The following RNF17 variants were observed in gnomAD, a reference collection of about 807,000 sequenced individuals.
RNF17 encodes the protein spermatogenesis associated 23.
Under a neutral mutation model 200.5 loss-of-function variants are expected in RNF17, and 31 were observed. The ratio of observed to expected loss-of-function variants is 0.15; its 90% CI spans 0.12 to 0.21. The LOEUF (loss-of-function observed/expected upper bound fraction) is 0.21. RNF17 is among the 10% of genes least tolerant of loss of function. The pLI is 1.00. For missense variants in RNF17, 1,628 were observed against 1,905.1 expected (o/e 0.85, Z 2.71); for synonymous variants, 606 against 637.8 (o/e 0.95, Z 0.75).
intron 11 of RNF17, among the ~76,000 whole-genome samples, chr13:24,797,705 A>AGTTTGTGTGTCTGTGT (rs59493601): frequency 0.016 from 1,898 of 119,044 alleles, 41 homozygotes; most frequent in African/African-American, 0.031. Flanking sequence ...AGAGACAAAG[A>AGTTTGTGTGTCTGTGT]GTGTGTGTGT....
rs548063820 is a variant in RNF17, at chr13:24,776,448, A to G, written c.317+1544A>G. The stretch of plus-strand genomic sequence containing the variant: ...GCTTGGGTAGTAAAACCACTTAGCT[A>G]AAGTCTGACAGCTGGTTATTCACAG... On this transcript the variant is annotated intron_variant, in intron 3 of 35. Transcript: ENST00000255324. 3.3e-5 allele frequency among the ~76,000 whole-genome samples: 5 copies of G among 152,344 alleles called. No individual in the cohort carries two copies. In the South Asian group the frequency reaches 6.2e-4, roughly 19 times the overall value.
At chr13:24,858,791 T>A (rs1042955337) in intron 25 of RNF17, among the ~76,000 whole-genome samples, 1 of 152,100 alleles carries the variant, frequency 6.6e-6, no homozygotes, top group African/African-American at 2.4e-5. Context: ...TTAGAGCTCC[T>A]TATGATGTTT....
At chr13:24,872,367 A>C (rs1003567316) in intron 32 of RNF17, among the ~76,000 whole-genome samples, 1 of 152,212 alleles carries the variant, frequency 6.6e-6, no homozygotes, top group Non-Finnish European at 1.5e-5. Flanking sequence ...CTTGCCCACA[A>C]GTAGAATTCT....
intron 29 of RNF17, 89 bp downstream of exon 29, chr13:24,865,087 G>T: frequency 1.0e-6 from 1 of 968,420 alleles, no homozygotes; most frequent in Non-Finnish European, 1.5e-6. Flanking sequence ...TCTTAAATAT[G>T]ATTCTACATA....
intron 22 of RNF17, among the ~76,000 whole-genome samples, chr13:24,847,491 G>C (rs571714380): frequency 6.6e-6 from 1 of 151,648 alleles, no homozygotes; most frequent in East Asian, 1.9e-4. Context: ...AATTACAGGC[G>C]TGCACCACCA....
chr13:24,820,521 T>C (rs1382701065), intron 15 of RNF17, among the ~76,000 whole-genome samples: 1 of 152,098 alleles, frequency 6.6e-6, no homozygotes, highest in Admixed American at 6.6e-5. Flanking sequence ...CGGCAACCTC[T>C]GCCTCCCGGG....
At chr13:24,792,499 C>T (rs1259023849) in intron 9 of RNF17, among the ~76,000 whole-genome samples, 1 of 151,954 alleles carries the variant, frequency 6.6e-6, no homozygotes, top group Non-Finnish European at 1.5e-5. Flanking sequence ...GTTTATGACA[C>T]CGGAGCTGAT....
intron 15 of RNF17, among the ~76,000 whole-genome samples, chr13:24,809,837 T>C (rs1445463488): frequency 3.9e-5 from 6 of 152,182 alleles, no homozygotes; most frequent in African/African-American, 1.4e-4. Context: ...TCTGGTATGT[T>C]GTGTCTTTGT....
chr13:24,833,069 T>C (rs940218405), intron 18 of RNF17, among the ~76,000 whole-genome samples: 4 of 152,170 alleles, frequency 2.6e-5, no homozygotes, highest in African/African-American at 7.2e-5. Flanking sequence ...TCATCTGATA[T>C]TTTGATCAGT....
rs1396000393 is a variant in RNF17 at position 24,793,062 on chromosome 13, A to G, written c.956A>G (p.Glu319Gly). 1 of 1,581,228 alleles carries G rather than the reference A, an allele frequency of 6.3e-7. No homozygotes were observed. Among genetic ancestry groups the G allele is most frequent in the Non-Finnish European group, 8.6e-7 (1 of 1,162,426 alleles). ...AACAGATGTTATCCCCAAGAAAATG[A>G]AATTAGACAGAATGTTCAAAAGAAA... ...DSTKCYPQENEIRQNVQKKYN... is the reference protein window; with the variant it reads ...DSTKCYPQENGIRQNVQKKYN... Residue 319 changes from glutamate to glycine, a missense_variant, in exon 10 of 36, where the codon GAA becomes GGA. Physicochemically the swap from Glu to Gly is moderately conservative, Grantham distance 98. Around this residue, in one of 5 missense-constraint regions of RNF17, gnomAD observed 502 missense variants for 501.7 expected, o/e 1.00. Coordinates refer to ENST00000255324, the MANE Select transcript of RNF17 (RefSeq NM_031277.3).
upstream of RNF17, among the ~76,000 whole-genome samples, chr13:24,760,860 T>C (rs764904319): frequency 6.6e-6 from 1 of 152,164 alleles, no homozygotes; most frequent in Non-Finnish European, 1.5e-5. Flanking sequence ...CTAATAGGTA[T>C]ATGAAAGCAT....
At chr13:24,852,136 C>CTTTTTT (rs542414882) in intron 24 of RNF17, among the ~76,000 whole-genome samples, 1 of 123,388 alleles carries the variant, frequency 8.1e-6, no homozygotes. Flanking sequence ...CTCTCTCTCT[C>CTTTTTT]TTTTTTTTTT....
chr13:24,879,147 A>T lies in RNF17; in HGVS notation c.4774-40A>T, dbSNP rs773072458. Reference sequence around the variant, plus strand: ...ATATGAGAGGGAAAAGGCAGCAAAGACATTACTGTTTTCTTGACAACTGTA... The same window carrying T: ...ATATGAGAGGGAAAAGGCAGCAAAGTCATTACTGTTTTCTTGACAACTGTA... On this transcript the variant is annotated intron_variant, in intron 34 of 35. Transcript: ENST00000255324. 184 of 1,471,602 alleles carry T rather than the reference A, an allele frequency of 1.3e-4. 1 individual carries two copies. Among genetic ancestry groups the T allele is most frequent in the Non-Finnish European group, 1.7e-4 (178 of 1,050,694 alleles). The allele number at this position is 1,471,602 out of a possible 1,614,324, so 91.2% of individuals were successfully genotyped here. A position where few individuals can be genotyped will look rare whatever the true frequency, so the allele number is the denominator to read the frequency against.
At chr13:24,852,468 G>GT (rs1892048851) in intron 24 of RNF17, among the ~76,000 whole-genome samples, 3 of 152,110 alleles carry the variant, frequency 2.0e-5, no homozygotes, top group Admixed American at 2.0e-4. Context: ...AGATTTAGAG[G>GT]TATGTTGGAA....
upstream of RNF17, among the ~76,000 whole-genome samples, chr13:24,762,340 G>A (rs1021447583): frequency 7.4e-6 from 1 of 135,822 alleles, no homozygotes; most frequent in Non-Finnish European, 1.5e-5. Context: ...TTGCACTCCA[G>A]CCTGGGCGAC....
At chr13:24,824,723 G>T (rs1014085019) in intron 15 of RNF17, among the ~76,000 whole-genome samples, 6 of 152,176 alleles carry the variant, frequency 3.9e-5, no homozygotes, top group African/African-American at 1.4e-4. Flanking sequence ...TGGTTGATAA[G>T]ATACTGGATA....
intron 15 of RNF17, among the ~76,000 whole-genome samples, chr13:24,814,080 TTAAAG>T (rs1887099649): frequency 6.6e-6 from 1 of 152,178 alleles, no homozygotes; most frequent in Admixed American, 6.5e-5. Context: ...TACTGCATTC[TTAAAG>T]TAAGCTAGAG....
chr13:24,805,862 G>GT (rs1885784769), intron 15 of RNF17, among the ~76,000 whole-genome samples: 2 of 150,922 alleles, frequency 1.3e-5, no homozygotes, highest in African/African-American at 4.9e-5. Context: ...ATGAACACTT[G>GT]GTTTTTTTTT....
intron 30 of RNF17, among the ~76,000 whole-genome samples, chr13:24,868,310 AATACAAAAAAT>A (rs546989785): frequency 0.02 from 3,045 of 150,092 alleles, 110 homozygotes; most frequent in African/African-American, 0.071. Flanking sequence ...CTCTACTAAA[AATACAAAAAAT>A]TAGCCGGGCG....
Sources: allele counts gnomAD v4.1 joint callset (sites outside exome capture counted in the v4.1 genomes callset), GRCh38; gene constraint gnomAD v4.1.1; regional missense constraint gnomAD v4.1.1; transcripts MANE v1.5; gene names NCBI Gene and HGNC (gene_info 2026-07-23, HGNC 2026-07-21).